Variants in OR1E1 observed in about 807,000 individuals in gnomAD.
The protein encoded by OR1E1 is olfactory receptor family 1 subfamily E member 1.
For synonymous variants in OR1E1, 125 were observed against 153.1 expected (o/e 0.82, Z 1.36); for missense variants, 330 against 381.0 (o/e 0.87, Z 1.11).
Position 3,398,354 on chromosome 17 carries a change from G to A in OR1E1, c.57C>T (p.Ile19=), listed in dbSNP as rs1360458207. ...AGCACAGGTTTTGCTGCTCTGGTTGGATGGGCAGGCCCAGGAGCAGGAAGT... is the reference window on the plus strand; with the variant it reads ...AGCACAGGTTTTGCTGCTCTGGTTGAATGGGCAGGCCCAGGAGCAGGAAGT... ...ISDFLLLGLP[I]QPEQQNLCYA... Residue 19 remains isoleucine, a synonymous_variant, in exon 1 of 1, where the codon ATC becomes ATT. Coordinates refer to ENST00000322608, the MANE Select transcript of OR1E1 (RefSeq NM_003553.3). 6.2e-7 allele frequency: 1 copy of A among 1,613,386 alleles called. No individual in the cohort carries two copies. The highest frequency in any genetic ancestry group is 2.2e-5 in the East Asian group (1 of 44,858).
At position 3,397,733 on chromosome 17, in the gene OR1E1, G is replaced by A; in HGVS notation, c.678C>T (p.Leu226=). 1 of 1,613,958 alleles carries A rather than the reference G, an allele frequency of 6.2e-7. No individual in the cohort carries two copies. Among genetic ancestry groups the A allele is most frequent in the Non-Finnish European group, 8.5e-7 (1 of 1,179,876 alleles). ...AGATACCCTTAGAAGAAGGGACCTT[G>A]AGGATGGAGGAGACAATTCTTGCAT... ...GSYARIVSSI[L]KVPSSKGICK... Residue 226 remains leucine, a synonymous_variant, in exon 1 of 1, where the codon CTC becomes CTT. Transcript: ENST00000322608.
Position 3,398,035 on chromosome 17 carries a change from T to A in OR1E1, c.376A>T (p.Ile126Phe). 6.2e-7 allele frequency: 1 copy of A among 1,614,190 alleles called. No homozygotes were observed. Among genetic ancestry groups the A allele is most frequent in the South Asian group, 1.1e-5 (1 of 91,088 alleles). ...GCGGTGTAGTGCAGGGGGAAGCAGA[T>A]GGCCACATAGCGGTCATAGGCCATG... ...VAMAYDRYVA[I>F]CFPLHYTAIM... Residue 126 changes from isoleucine to phenylalanine, a missense_variant, in exon 1 of 1, where the codon ATC becomes TTC. Ile to Phe is a conservative substitution (Grantham distance 21, BLOSUM62 0). Transcript: ENST00000322608.
In OR1E1 at chr17:3,397,232, A is replaced by C. The variant is rs1260051353; in HGVS notation, c.*234T>G. 2.3e-6 allele frequency: 1 copy of C among 429,702 alleles called. No individual in the cohort carries two copies. The highest frequency in any genetic ancestry group is 4.1e-6 in the Non-Finnish European group (1 of 243,438). The allele number at this position is 429,702 out of a possible 1,614,324, so 26.6% of individuals were successfully genotyped here. Reference sequence around the variant, plus strand: ...GACCATTTAAAACAGTTGTTCTTAAACTACATTTTTCCAAGATCACCTTGG... The same window carrying C: ...GACCATTTAAAACAGTTGTTCTTAACCTACATTTTTCCAAGATCACCTTGG... On this transcript the variant is annotated 3_prime_UTR_variant, in exon 1 of 1. Coordinates refer to ENST00000322608, the MANE Select transcript of OR1E1 (RefSeq NM_003553.3).
In OR1E1 at chr17:3,398,011, C is replaced by T. The variant is rs201676106; in HGVS notation, c.400G>A (p.Ala134Thr). ...AGACAGAGCATGGGGCTCATGATGG[C>T]GGTGTAGTGCAGGGGGAAGCAGATG... The part of the protein sequence containing the change: ...VAICFPLHYT[A>T]IMSPMLCLAL... The change falls in exon 1 of 1, where the codon GCC (alanine) becomes ACC (threonine). Residue 134 changes from alanine to threonine, a missense_variant. Coordinates refer to ENST00000322608, the MANE Select transcript of OR1E1 (RefSeq NM_003553.3). 25 of 1,614,056 alleles carry T rather than the reference C, an allele frequency of 1.5e-5. No individual in the cohort carries two copies. Among genetic ancestry groups the T allele is most frequent in the South Asian group, 1.4e-4 (13 of 91,080 alleles).
rs1223368937 is a variant in OR1E1, at chr17:3,398,067, A to G, written c.344T>C (p.Leu115Pro). The G allele has an allele frequency of 5.6e-6, 9 of 1,614,120 alleles. No homozygotes were observed. Among genetic ancestry groups the G allele is most frequent in the South Asian group, 3.3e-5 (3 of 91,094 alleles). ...ATAGCGGTCATAGGCCATGGCCACA[A>G]GGAGGAAGCTCTCCAGGTCTCCAAA... ...LLFGDLESFL[L>P]VAMAYDRYVA... Residue 115 changes from leucine (L) to proline (P), a missense_variant, in exon 1 of 1, where the codon CTT (leucine) becomes CCT (proline). By Grantham distance (98) the Leu-to-Pro change is moderately conservative (BLOSUM62 -3). Coordinates refer to ENST00000322608, the MANE Select transcript of OR1E1 (RefSeq NM_003553.3).
In OR1E1 at chr17:3,397,259, A is replaced by T. The variant is rs2049850561; in HGVS notation, c.*207T>A. The stretch of plus-strand genomic sequence containing the variant: ...TACATTTTTCCAAGATCACCTTGGG[A>T]AGACAAACAGGAAGTCTTAGCCAGG... On this transcript the variant is annotated 3_prime_UTR_variant, in exon 1 of 1. Coordinates refer to ENST00000322608, the MANE Select transcript of OR1E1 (RefSeq NM_003553.3). 1 of 488,674 alleles carries T rather than the reference A, an allele frequency of 2.0e-6. No individual in the cohort carries two copies. Among genetic ancestry groups the T allele is most frequent in the Non-Finnish European group, 3.6e-6 (1 of 278,570 alleles). 30.3% of individuals were successfully genotyped at this position (488,674 alleles called of 1,614,324 possible). A position where few individuals can be genotyped will look rare whatever the true frequency, so the allele number is the denominator to read the frequency against.
chr17:3,397,512 G>T lies in OR1E1; in HGVS notation c.899C>A (p.Ala300Asp). The T allele has an allele frequency of 6.2e-7, 1 of 1,614,106 alleles. No individual in the cohort carries two copies. The highest frequency in any genetic ancestry group is 1.7e-4 in the Middle Eastern group (1 of 6,060). Residue 300 changes from alanine to aspartate, a missense_variant, in exon 1 of 1, where the codon GCC becomes GAC. Ala to Asp is a moderately radical substitution (Grantham distance 126). Coordinates refer to ENST00000322608, the MANE Select transcript of OR1E1 (RefSeq NM_003553.3). ...CTTCTGATGAATGACTCTGCTCAGG[G>T]CTCCCTTCATGTCTCTGTTCCTCAG... is the stretch of plus-strand genomic sequence containing the variant. Reference protein sequence around the residue: ...YSLRNRDMKGALSRVIHQKKT... With the variant: ...YSLRNRDMKGDLSRVIHQKKT...
At position 3,398,095 on chromosome 17, in the gene OR1E1, A is replaced by G. The variant is rs2049859957; in HGVS notation, c.316T>C (p.Leu106=). 3 of 1,614,220 alleles carry G rather than the reference A, an allele frequency of 1.9e-6. No individual in the cohort carries two copies. The South Asian group carries it at 3.3e-5, about 18-fold the overall frequency. ...DCLTQMYFFL[L]FGDLESFLLV... is the part of the protein sequence containing the mutation. ...AGGAAGCTCTCCAGGTCTCCAAATA[A>G]CAGGAAGAAGTACATTTGGGTCAGG... Residue 106 remains leucine, a synonymous_variant, in exon 1 of 1, where the codon TTA becomes CTA. Coordinates refer to ENST00000322608, the MANE Select transcript of OR1E1 (RefSeq NM_003553.3).
At position 3,398,232 on chromosome 17, in the gene OR1E1, T is replaced by A. The variant is rs2049862101; in HGVS notation, c.179A>T (p.Tyr60Phe). ...GAAGGACAAGTTGCTGAGAAACAAA[T>A]ACATAGGCGTGTGGAGATGGGAGTC... is the stretch of plus-strand genomic sequence containing the variant. ...RLDSHLHTPM[Y>F]LFLSNLSFSD... The change falls in exon 1 of 1, where the codon TAT becomes TTT. Residue 60 changes from tyrosine (Y) to phenylalanine (F), a missense_variant. Coordinates refer to ENST00000322608, the MANE Select transcript of OR1E1 (RefSeq NM_003553.3). 6.2e-7 allele frequency: 1 copy of A among 1,614,136 alleles called. No individual in the cohort carries two copies. Among genetic ancestry groups the A allele is most frequent in the Admixed American group, 1.7e-5 (1 of 60,016 alleles).
At position 3,397,361 on chromosome 17, in the gene OR1E1, T is replaced by C; in HGVS notation, c.*105A>G. ...CTACATATTGAAAAATTATGTACGATGCCATTTCAACAAAAGGATGGTGAG... is the reference window on the plus strand; with the variant it reads ...CTACATATTGAAAAATTATGTACGACGCCATTTCAACAAAAGGATGGTGAG... On this transcript the variant is annotated 3_prime_UTR_variant, in exon 1 of 1. Transcript: ENST00000322608. The C allele has an allele frequency of 1.1e-6, 1 of 910,252 alleles. No individual in the cohort carries two copies. Among genetic ancestry groups the C allele is most frequent in the Non-Finnish European group, 1.6e-6 (1 of 608,208 alleles). The allele number at this position is 910,252 out of a possible 1,614,324, so 56.4% of individuals were successfully genotyped here.
Position 3,398,315 on chromosome 17 carries a change from C to A in OR1E1, c.96G>T (p.Leu32Phe). ...EQQNLCYALF[L>F]AMYLTTLLGN... ...CCAGGAGGGTGGTAAGATACATGGC[C>A]AAGAACAGGGCATAGCACAGGTTTT... The change falls in exon 1 of 1, where the codon TTG (leucine) becomes TTT (phenylalanine). Residue 32 changes from leucine (L) to phenylalanine (F), a missense_variant. Physicochemically the swap from Leu to Phe is conservative, Grantham distance 22. Coordinates refer to ENST00000322608, the MANE Select transcript of OR1E1 (RefSeq NM_003553.3). 1 of 1,614,094 alleles carries A rather than the reference C, an allele frequency of 6.2e-7. No homozygotes were observed. The highest frequency in any genetic ancestry group is 8.5e-7 in the Non-Finnish European group (1 of 1,180,016).
rs1361942127 is a variant in OR1E1 at position 3,397,648 on chromosome 17, C to T, written c.763G>A (p.Val255Ile). 18 of 1,613,796 alleles carry T rather than the reference C, an allele frequency of 1.1e-5. No individual in the cohort carries two copies. The African/African-American group carries it at 1.6e-4, about 14-fold the overall frequency. ...LSVVSLFYGT[V>I]IGLYLCSSAN... The stretch of plus-strand genomic sequence containing the variant: ...GATGAGCATAAGTAGAGACCAATAA[C>T]GGTTCCATAGAACAGTGACACCACA... Residue 255 changes from valine (V) to isoleucine (I), a missense_variant, in exon 1 of 1, where the codon GTT becomes ATT. Val to Ile is a conservative substitution (Grantham distance 29). Coordinates refer to ENST00000322608, the MANE Select transcript of OR1E1 (RefSeq NM_003553.3).
At position 3,398,148 on chromosome 17, in the gene OR1E1, T is replaced by C; in HGVS notation, c.263A>G (p.Gln88Arg). The change falls in exon 1 of 1, where the codon CAG becomes CGG. Residue 88 changes from glutamine (Q) to arginine (R), a missense_variant. Transcript: ENST00000322608. Reference sequence around the variant, plus strand: ...GTCCGCATAGGGGATGGATGGGTCCTGGTTCTGCATGTTCTGTAACAACTT... The same window carrying C: ...GTCCGCATAGGGGATGGATGGGTCCCGGTTCTGCATGTTCTGTAACAACTT... ...IPKLLQNMQN[Q>R]DPSIPYADCL... 6.2e-7 allele frequency: 1 copy of C among 1,614,242 alleles called. No individual in the cohort carries two copies. The highest frequency in any genetic ancestry group is 8.5e-7 in the Non-Finnish European group (1 of 1,180,038).
Position 3,397,821 on chromosome 17 carries a change from C to A in OR1E1, c.590G>T (p.Trp197Leu), listed in dbSNP as rs1597371290. The change falls in exon 1 of 1, where the codon TGG (tryptophan) becomes TTG (leucine). Residue 197 changes from tryptophan to leucine, a missense_variant. By Grantham distance (61) the Trp-to-Leu change is moderately conservative (BLOSUM62 -2). Coordinates refer to ENST00000322608, the MANE Select transcript of OR1E1 (RefSeq NM_003553.3). The stretch of plus-strand genomic sequence containing the variant: ...GAGCCCTCCCATGATAAATATCACC[C>A]ATTCATTAACTCGAGTGTCAGAGAA... ...LAFSDTRVNE[W>L]VIFIMGGLIL... is the part of the protein sequence containing the mutation. 6.2e-7 allele frequency: 1 copy of A among 1,613,986 alleles called. No homozygotes were observed. The highest frequency in any genetic ancestry group is 2.2e-5 in the East Asian group (1 of 44,874).
Position 3,397,615 on chromosome 17 carries a change from T to A in OR1E1, c.796A>T (p.Ser266Cys). 3 of 1,614,088 alleles carry A rather than the reference T, an allele frequency of 1.9e-6. No individual in the cohort carries two copies. Among genetic ancestry groups the A allele is most frequent in the Non-Finnish European group, 2.5e-6 (3 of 1,180,030 alleles). Residue 266 changes from serine to cysteine, a missense_variant, in exon 1 of 1, where the codon AGT becomes TGT. Physicochemically the swap from Ser to Cys is moderately radical, Grantham distance 112. Transcript: ENST00000322608. ...ATGACAGTGTCCTTTAGAGTAGAAC[T>A]ATTAGCTGATGAGCATAAGTAGAGA... ...IGLYLCSSAN[S>C]STLKDTVMAM...
Position 3,397,317 on chromosome 17 carries a change from C to G in OR1E1, c.*149G>C, listed in dbSNP as rs997632192. ...GACCCTCTTCCCTAGTTCAACTACTCAGCTATGCTTCATCTCCACTACATA... is the reference window on the plus strand; with the variant it reads ...GACCCTCTTCCCTAGTTCAACTACTGAGCTATGCTTCATCTCCACTACATA... On this transcript the variant is annotated 3_prime_UTR_variant, in exon 1 of 1. Coordinates refer to ENST00000322608, the MANE Select transcript of OR1E1 (RefSeq NM_003553.3). 2.0e-5 allele frequency: 13 copies of G among 654,742 alleles called. No individual in the cohort carries two copies. Among genetic ancestry groups the G allele is most frequent in the Non-Finnish European group, 3.3e-5 (13 of 391,234 alleles). The allele number at this position is 654,742 out of a possible 1,614,324, so 40.6% of individuals were successfully genotyped here.
In OR1E1 at chr17:3,397,371, A is replaced by C; in HGVS notation, c.*95T>G. On this transcript the variant is annotated 3_prime_UTR_variant, in exon 1 of 1. Transcript: ENST00000322608. ...AAAAATTATGTACGATGCCATTTCA[A>C]CAAAAGGATGGTGAGGAAATAATTT... 9.9e-7 allele frequency: 1 copy of C among 1,005,542 alleles called. No individual in the cohort carries two copies. Among genetic ancestry groups the C allele is most frequent in the Non-Finnish European group, 1.4e-6 (1 of 693,576 alleles). The allele number at this position is 1,005,542 out of a possible 1,614,324, so 62.3% of individuals were successfully genotyped here. A position where few individuals can be genotyped will look rare whatever the true frequency, so the allele number is the denominator to read the frequency against.
Position 3,397,110 on chromosome 17 carries a change from A to T in OR1E1, c.*356T>A. The T allele has an allele frequency of 5.8e-6, 1 of 172,876 alleles. No homozygotes were observed. Among genetic ancestry groups the T allele is most frequent in the African/African-American group, 2.4e-5 (1 of 42,058 alleles). 10.7% of individuals were successfully genotyped at this position (172,876 alleles called of 1,614,324 possible). On this transcript the variant is annotated 3_prime_UTR_variant, in exon 1 of 1. Coordinates refer to ENST00000322608, the MANE Select transcript of OR1E1 (RefSeq NM_003553.3). The stretch of plus-strand genomic sequence containing the variant: ...AAATAAAAATAAACAAAAAATTTAA[A>T]AATTTTTTTAATTAAACAAAAATGA...
In OR1E1 at chr17:3,398,144, G is replaced by C. The variant is rs746139620; in HGVS notation, c.267C>G (p.Asp89Glu). The C allele has an allele frequency of 1.2e-6, 2 of 1,614,240 alleles. No homozygotes were observed. Among genetic ancestry groups the C allele is most frequent in the South Asian group, 2.2e-5 (2 of 91,086 alleles). ...PKLLQNMQNQ[D>E]PSIPYADCLT... ...GGCAGTCCGCATAGGGGATGGATGG[G>C]TCCTGGTTCTGCATGTTCTGTAACA... Residue 89 changes from aspartate to glutamate, a missense_variant, in exon 1 of 1, where the codon GAC (aspartate) becomes GAG (glutamate). By Grantham distance (45) the Asp-to-Glu change is conservative. Transcript: ENST00000322608.
Sources: allele counts gnomAD v4.1 joint callset, GRCh38; gene constraint gnomAD v4.1.1; transcripts MANE v1.5; gene names NCBI Gene and HGNC (gene_info 2026-07-23, HGNC 2026-07-21).